PDZRN4: variants seen among roughly 807,000 people sequenced by gnomAD.
PDZRN4 encodes PDZ domain-containing RING finger protein 4.
PDZRN4 carries 70 observed loss-of-function variants against 99.0 expected under a neutral mutation model. The observed-to-expected ratio is 0.71, with a 90% CI of 0.58 to 0.86. The LOEUF (loss-of-function observed/expected upper bound fraction) is 0.86. PDZRN4 is among the 40% of genes least tolerant of loss of function. PDZRN4 has a pLI of 0.00. For synonymous variants in PDZRN4, 551 were observed against 501.6 expected (o/e 1.10, Z -1.32); for missense variants, 1,474 against 1,331.2 (o/e 1.11, Z -1.67).
At chr12:41,430,861 G>C (rs1185443929) in intron 3 of PDZRN4, among the ~76,000 whole-genome samples, 1 of 152,302 alleles carries the variant, frequency 6.6e-6, no homozygotes, top group South Asian at 2.1e-4. Context: ...AGGAAGCATA[G>C]AGGCTTCTGC....
chr12:41,376,588 T>C (rs2121092140), intron 3 of PDZRN4, among the ~76,000 whole-genome samples: 1 of 152,332 alleles, frequency 6.6e-6, no homozygotes, highest in South Asian at 2.1e-4. Context: ...TTTGCTTTTA[T>C]TCTATTGAGT....
At chr12:41,425,355 G>A (rs1349490540) in intron 3 of PDZRN4, among the ~76,000 whole-genome samples, 2 of 151,250 alleles carry the variant, frequency 1.3e-5, no homozygotes, top group Admixed American at 6.6e-5. Context: ...GTATAGCCAA[G>A]GAGTAGGAGG....
At chr12:41,205,646 T>C (rs1163141748) in intron 3 of PDZRN4, among the ~76,000 whole-genome samples, 1 of 151,970 alleles carries the variant, frequency 6.6e-6, no homozygotes, top group Non-Finnish European at 1.5e-5. Flanking sequence ...ACAAGCCTCC[T>C]CTGTCTTTCC....
rs1049620128 is a variant in PDZRN4, at chr12:41,574,125, A to C, written c.*235A>C. On this transcript the variant is annotated 3_prime_UTR_variant, in exon 10 of 10. Transcript: ENST00000402685. The stretch of plus-strand genomic sequence containing the variant: ...GATATATTCATATTACTCGTTTATA[A>C]AAAATCAAAAACAAAAGGAAAGAAA... 4.0e-4 allele frequency: 128 copies of C among 321,234 alleles called. 1 individual carries two copies. Among genetic ancestry groups the C allele is most frequent in the Non-Finnish European group, 5.6e-5 (10 of 179,028 alleles). 19.9% of individuals were successfully genotyped at this position (321,234 alleles called of 1,614,324 possible). A position where few individuals can be genotyped will look rare whatever the true frequency, so the allele number is the denominator to read the frequency against.
chr12:41,274,331 A>C (rs1387263592), intron 3 of PDZRN4, among the ~76,000 whole-genome samples: 1 of 152,180 alleles, frequency 6.6e-6, no homozygotes, highest in East Asian at 1.9e-4. Flanking sequence ...AAAATAATAA[A>C]TCTTTCAAAA....
intron 3 of PDZRN4, chr12:41,411,387 C>T (rs1465616335): frequency 6.6e-6 from 1 of 152,136 alleles, no homozygotes; most frequent in Non-Finnish European, 1.5e-5. Flanking sequence ...CATGTGCCAC[C>T]TTAGAGACAC....
At chr12:41,280,592 A>C (rs753559424) in intron 3 of PDZRN4, among the ~76,000 whole-genome samples, 5 of 151,690 alleles carry the variant, frequency 3.3e-5, no homozygotes, top group Non-Finnish European at 7.4e-5. Context: ...AAACAAAGCT[A>C]CCAGGAAGCT....
chr12:41,364,659 C>T (rs1011863995), intron 3 of PDZRN4, among the ~76,000 whole-genome samples: 1 of 151,882 alleles, frequency 6.6e-6, no homozygotes, highest in African/African-American at 2.4e-5. Context: ...AAACAGGTTC[C>T]ATTTTTGGTT....
chr12:41,362,204 C>A (rs1468432526), intron 3 of PDZRN4, among the ~76,000 whole-genome samples: 1 of 151,872 alleles, frequency 6.6e-6, no homozygotes, highest in Non-Finnish European at 1.5e-5. Context: ...GTTAGTACTG[C>A]CACAATCATC....
chr12:41,291,987 C>A (rs1273339167), intron 3 of PDZRN4, among the ~76,000 whole-genome samples: 1 of 152,114 alleles, frequency 6.6e-6, no homozygotes, highest in Non-Finnish European at 1.5e-5. Context: ...ATTGGGAAAA[C>A]AGGCTAAAGG....
chr12:41,247,752 A>G lies in PDZRN4; in HGVS notation c.843+53564A>G, dbSNP rs368309457. Among the ~76,000 whole-genome samples the G allele has an allele frequency of 1.4e-4, 21 of 152,310 alleles. 1 individual carries two copies. Among genetic ancestry groups the G allele is most frequent in the African/African-American group, 5.1e-4 (21 of 41,568 alleles). ...TTTAATAAATACTTATATTTCCAAA[A>G]TATTTAAAGACTTTAAAAAAGAAAA... is the stretch of plus-strand genomic sequence containing the variant. On this transcript the variant is annotated intron_variant, in intron 3 of 9. Transcript: ENST00000402685.
At chr12:41,370,404 A>T (rs531123945) in intron 3 of PDZRN4, among the ~76,000 whole-genome samples, 49 of 152,010 alleles carry the variant, frequency 3.2e-4, no homozygotes, top group Non-Finnish European at 6.9e-4. Flanking sequence ...AAAAATATTT[A>T]TCCGTTGTTT....
In PDZRN4 at chr12:41,553,941, G is replaced by A. The variant is rs547794316; in HGVS notation, c.1302+1187G>A. 2.0e-5 allele frequency among the ~76,000 whole-genome samples: 3 copies of A among 152,120 alleles called. No individual in the cohort carries two copies. In the East Asian group the frequency reaches 5.8e-4, roughly 29 times the overall value. On this transcript the variant is annotated intron_variant, in intron 6 of 9. Coordinates refer to ENST00000402685, the MANE Select transcript of PDZRN4 (RefSeq NM_001164595.2). The stretch of plus-strand genomic sequence containing the variant: ...TGAGTACAACAGTGCTTATCTTATT[G>A]TTTTGATAGACCTGCTTAGAATGTG...
chr12:41,274,780 A>G lies in PDZRN4; in HGVS notation c.843+80592A>G, dbSNP rs540282238. ...CAAACTTTGCCTGGTGTGTTCATGAAGTATACACCCTTGAAATATCTGAAG... is the reference window on the plus strand; with the variant it reads ...CAAACTTTGCCTGGTGTGTTCATGAGGTATACACCCTTGAAATATCTGAAG... On this transcript the variant is annotated intron_variant, in intron 3 of 9. Transcript: ENST00000402685. Among the ~76,000 whole-genome samples, 13 of 152,300 alleles carry G rather than the reference A, an allele frequency of 8.5e-5. No homozygotes were observed. In the South Asian group the frequency reaches 2.7e-3, roughly 32 times the overall value.
intron 5 of PDZRN4, among the ~76,000 whole-genome samples, chr12:41,523,372 A>G (rs1348068083): frequency 1.3e-5 from 2 of 152,226 alleles, no homozygotes; most frequent in East Asian, 1.9e-4. Flanking sequence ...CTTGTGGACA[A>G]TTTGAGACAT....
intron 1 of PDZRN4, among the ~76,000 whole-genome samples, chr12:41,190,206 G>A (rs919304562): frequency 2.0e-5 from 3 of 152,210 alleles, no homozygotes; most frequent in Admixed American, 6.5e-5. Flanking sequence ...GAGTTTAGAA[G>A]CGCCCGTCTT....
At chr12:41,360,879 T>C (rs1565562044) in intron 3 of PDZRN4, among the ~76,000 whole-genome samples, 4 of 151,996 alleles carry the variant, frequency 2.6e-5, no homozygotes, top group South Asian at 2.1e-4. Flanking sequence ...ATTGCAGGGT[T>C]ACCAAATTAG....
intron 5 of PDZRN4, among the ~76,000 whole-genome samples, chr12:41,539,790 G>GTTGTGT (rs1938816112): frequency 2.0e-5 from 3 of 152,166 alleles, no homozygotes; most frequent in Non-Finnish European, 4.4e-5. Flanking sequence ...GAGGAGGACT[G>GTTGTGT]ACAAATCTCT....
At chr12:41,556,858 T>G (rs17129470) in intron 7 of PDZRN4, among the ~76,000 whole-genome samples, 2 of 152,100 alleles carry the variant, frequency 1.3e-5, no homozygotes, top group Non-Finnish European at 2.9e-5. Flanking sequence ...CCATAAAGAA[T>G]GGCTGCAGGG....
Sources: gnomAD v4.1 joint callset for allele counts (sites outside exome capture counted in the v4.1 genomes callset) on GRCh38, gnomAD v4.1.1 for gene constraint, MANE v1.5 for transcripts, NCBI Gene and HGNC (gene_info 2026-07-23, HGNC 2026-07-21) for gene names.